Variants in MEF2C observed in about 807,000 individuals in gnomAD.
MEF2C encodes the protein myocyte enhancer factor 2C, also known as myocyte-specific enhancer factor 2C.
In MEF2C, 6 loss-of-function variants were observed where a neutral mutation model predicts 50.5. The observed-to-expected ratio is 0.12, with a 90% CI of 0.07 to 0.23. MEF2C has a LOEUF of 0.23. Among genes scored for constraint, MEF2C ranks in the 10% least tolerant of loss-of-function variants. MEF2C has a pLI of 1.00. For missense variants in MEF2C, 276 were observed against 605.0 expected (o/e 0.46, Z 5.70); for synonymous variants, 183 against 228.0 (o/e 0.80, Z 1.78).
chr5:88,836,442 C>T (rs1815132359), intron 1 of MEF2C, among the ~76,000 whole-genome samples: 1 of 152,144 alleles, frequency 6.6e-6, no homozygotes, highest in Non-Finnish European at 1.5e-5. Flanking sequence ...CTACTTGTAG[C>T]ATTCCCCACT....
At chr5:88,780,323 G>GT (rs541075378) in intron 3 of MEF2C, among the ~76,000 whole-genome samples, 295 of 152,274 alleles carry the variant, frequency 1.9e-3, no homozygotes, top group Middle Eastern at 6.8e-3. Context: ...CAGGTGCAGA[G>GT]TTCAGAACTA....
At chr5:88,757,979 T>G (rs774489559) in intron 4 of MEF2C, among the ~76,000 whole-genome samples, 50 of 151,926 alleles carry the variant, frequency 3.3e-4, no homozygotes, top group Non-Finnish European at 6.5e-4. Context: ...CTCAGCGTAA[T>G]TCTACCCAGC....
intron 1 of MEF2C, chr5:88,827,192 C>G (rs1811249664): frequency 6.6e-6 from 1 of 151,892 alleles, no homozygotes; most frequent in Non-Finnish European, 1.5e-5. Flanking sequence ...CATTTACAAA[C>G]AAGTTCCCTT....
intron 2 of MEF2C, among the ~76,000 whole-genome samples, chr5:88,820,926 C>T (rs746123910): frequency 6.6e-6 from 1 of 151,844 alleles, no homozygotes; most frequent in Non-Finnish European, 1.5e-5. Flanking sequence ...TTGTCAACAG[C>T]CTCTAAAATA....
chr5:88,824,382 A>G, intron 1 of MEF2C: 1 of 983,818 alleles, frequency 1.0e-6, no homozygotes, highest in Non-Finnish European at 1.2e-6. Flanking sequence ...AGCAGAGGTG[A>G]TAACGTCCCT....
intron 6 of MEF2C, among the ~76,000 whole-genome samples, chr5:88,744,785 A>G (rs1768576047): frequency 6.6e-6 from 1 of 152,198 alleles, no homozygotes; most frequent in African/African-American, 2.4e-5. Context: ...TTCATCTTTG[A>G]AAGTATTTCA....
intron 3 of MEF2C, among the ~76,000 whole-genome samples, chr5:88,771,037 T>TG (rs1782166740): frequency 6.6e-6 from 1 of 152,246 alleles, no homozygotes. Flanking sequence ...ATGTCCTACA[T>TG]GGCGGCAGGC....
At chr5:88,744,006 TA>T (rs1209793498) in intron 6 of MEF2C, 1 of 961,028 alleles carries the variant, frequency 1.0e-6, no homozygotes, top group Non-Finnish European at 1.2e-6. Flanking sequence ...AAGGAATTCC[TA>T]AAGGTTTTTC....
At chr5:88,850,538 T>C (rs1820942343) in intron 1 of MEF2C, among the ~76,000 whole-genome samples, 4 of 152,002 alleles carry the variant, frequency 2.6e-5, no homozygotes, top group Admixed American at 6.6e-5. Context: ...ACTGCCAAAG[T>C]AGATGAGGGT....
chr5:88,762,278 A>C (rs1778216779), intron 3 of MEF2C, among the ~76,000 whole-genome samples: 1 of 152,160 alleles, frequency 6.6e-6, no homozygotes, highest in African/African-American at 2.4e-5. Context: ...CTTGAGTTTT[A>C]CTTGGTTTTT....
intron 6 of MEF2C, among the ~76,000 whole-genome samples, chr5:88,746,905 A>G (rs1232546793): frequency 2.0e-5 from 3 of 152,214 alleles, no homozygotes; most frequent in Non-Finnish European, 2.9e-5. Flanking sequence ...AACTGTGAAA[A>G]CTACATGCTC....
chr5:88,856,144 C>T (rs1376146236), intron 1 of MEF2C, among the ~76,000 whole-genome samples: 1 of 152,100 alleles, frequency 6.6e-6, no homozygotes, highest in Non-Finnish European at 1.5e-5. Flanking sequence ...GTAACTCCTG[C>T]CATGTTTTAG....
At chr5:88,752,366 A>G (rs1773215908) in intron 4 of MEF2C, among the ~76,000 whole-genome samples, 2 of 152,234 alleles carry the variant, frequency 1.3e-5, no homozygotes, top group Non-Finnish European at 2.9e-5. Context: ...GGTGCCAGAA[A>G]TGACTGCAAG....
intron 1 of MEF2C, among the ~76,000 whole-genome samples, chr5:88,873,730 T>G (rs1397643889): frequency 3.5e-5 from 4 of 112,744 alleles, no homozygotes; most frequent in East Asian, 2.8e-4. Context: ...TTTTTTTTTT[T>G]TTTTTTTTGG....
intron 3 of MEF2C, among the ~76,000 whole-genome samples, chr5:88,798,023 CT>C (rs1485036304): frequency 2.0e-5 from 3 of 152,190 alleles, no homozygotes; most frequent in Non-Finnish European, 4.4e-5. Flanking sequence ...TGCTGTTAGA[CT>C]GATGGGCTTC....
chr5:88,743,935 A>G (rs1450597481), intron 6 of MEF2C: 4 of 916,902 alleles, frequency 4.4e-6, no homozygotes, highest in Non-Finnish European at 5.2e-6. Context: ...CAATATACAT[A>G]AATCTCCTTT....
intron 3 of MEF2C, among the ~76,000 whole-genome samples, chr5:88,779,717 A>G (rs1295251876): frequency 6.6e-5 from 10 of 151,656 alleles, no homozygotes; most frequent in Non-Finnish European, 8.8e-5. Flanking sequence ...TTCCCCCAGA[A>G]AGTAATATTT....
chr5:88,723,191 A>G (rs1008339018), intron 10 of MEF2C, among the ~76,000 whole-genome samples: 2 of 152,180 alleles, frequency 1.3e-5, no homozygotes, highest in Non-Finnish European at 2.9e-5. Flanking sequence ...CTCCCTAAAC[A>G]TATAGGTTAC....
rs563131247 is a variant in MEF2C at position 88,754,676 on chromosome 5, C to T, written c.403-2633G>A. On this transcript the variant is annotated intron_variant, in intron 4 of 10. Transcript: ENST00000504921. ...TCTCTTGCCTAGATAACTGCAGTCA[C>T]GTCCTAACAGATTTACCTGCTCCGG... Among the ~76,000 whole-genome samples the T allele has an allele frequency of 2.0e-4, 30 of 152,298 alleles. 1 individual carries two copies. The South Asian group carries it at 5.6e-3, about 28-fold the overall frequency.
Sources: gnomAD v4.1 joint callset for allele counts (sites outside exome capture counted in the v4.1 genomes callset) on GRCh38, gnomAD v4.1.1 for gene constraint, MANE v1.5 for transcripts, NCBI Gene and HGNC (gene_info 2026-07-23, HGNC 2026-07-21) for gene names.